MYOM2: variants seen among roughly 807,000 people sequenced by gnomAD.
MYOM2 encodes myomesin 2.
In MYOM2, 254 loss-of-function variants were observed where a neutral mutation model predicts 187.6. That is an observed-to-expected ratio of 1.35 (90% CI 1.22 to 1.50). MYOM2 has a LOEUF of 1.50. MYOM2 is among the 40% of genes most tolerant of loss of function. The probability of loss-of-function intolerance (pLI) is 0.00; values close to 1 mark genes in which losing one functional copy is unlikely to be tolerated. For missense variants in MYOM2, 2,796 were observed against 1,924.0 expected (o/e 1.45, Z -8.48); for synonymous variants, 981 against 753.8 (o/e 1.30, Z -4.94).
chr8:2,101,043 C>T lies in MYOM2; in HGVS notation c.2608C>T (p.Arg870Cys), dbSNP rs777274395. The T allele has an allele frequency of 2.0e-5, 33 of 1,613,886 alleles. No individual in the cohort carries two copies. Among genetic ancestry groups the T allele is most frequent in the Admixed American group, 6.7e-5 (4 of 59,980 alleles). The change falls in exon 20 of 37, where the codon CGT (arginine) becomes TGT (cysteine). Residue 870 changes from arginine (R) to cysteine (C), a missense_variant. Arg to Cys is a radical substitution (Grantham distance 180, BLOSUM62 -3). Transcript: ENST00000262113. The part of the protein sequence containing the change: ...ITVNQTTTAS[R>C]YLKVSDLQQG... ...TGTCAATCAGACGACAACAGCCAGCCGTTATTTAAAGGTAAGTCTTGGCCG... is the reference window on the plus strand; with the variant it reads ...TGTCAATCAGACGACAACAGCCAGCTGTTATTTAAAGGTAAGTCTTGGCCG...
At chr8:2,137,391 G>C (rs5023991) in intron 32 of MYOM2, among the ~76,000 whole-genome samples, 24,435 of 151,598 alleles carry the variant, frequency 0.16, 3,720 homozygotes, top group African/African-American at 0.39. Flanking sequence ...CTTCGCAAGC[G>C]GGGAGCTCAT....
At chr8:2,120,498 G>A (rs969819236) in intron 28 of MYOM2, among the ~76,000 whole-genome samples, 1 of 150,468 alleles carries the variant, frequency 6.6e-6, no homozygotes, top group Non-Finnish European at 1.5e-5. Flanking sequence ...CGGGCAAGGG[G>A]ATTTGCAGGA....
In MYOM2 at chr8:2,092,394, C is replaced by G; in HGVS notation, c.1877C>G (p.Thr626Arg). The G allele has an allele frequency of 6.2e-7, 1 of 1,614,136 alleles. No homozygotes were observed. Among genetic ancestry groups the G allele is most frequent in the Non-Finnish European group, 8.5e-7 (1 of 1,180,012 alleles). Residue 626 changes from threonine to arginine, a missense_variant, in exon 16 of 37, where the codon ACG becomes AGG. Transcript: ENST00000262113. ...GRVLASRNTK[T>R]SVVVQWDRPK... ...GTTCTTGCTTCCCGAAACACCAAGA[C>G]GTCGGTGGTGGTGCAGTGGGACCGA...
At chr8:2,129,079 C>T (rs543541562) in intron 31 of MYOM2, 48 bp from the exon 32 acceptor site, 7 of 1,396,966 alleles carry the variant, frequency 5.0e-6, no homozygotes, top group South Asian at 4.7e-5. Context: ...TGTGATCACA[C>T]AGCAGGCACT....
chr8:2,087,297 C>T (rs1204154224), intron 14 of MYOM2, among the ~76,000 whole-genome samples: 5 of 152,178 alleles, frequency 3.3e-5, no homozygotes, highest in South Asian at 2.1e-4. Context: ...ACAATAATCG[C>T]ATCTAGCACC....
intron 18 of MYOM2, among the ~76,000 whole-genome samples, chr8:2,096,638 G>A (rs1796498455): frequency 6.6e-6 from 1 of 152,162 alleles, no homozygotes; most frequent in Non-Finnish European, 1.5e-5. Context: ...AGTGAAGAAG[G>A]GAGCTCAGTG....
chr8:2,077,296 G>A (rs1025935777), intron 11 of MYOM2, among the ~76,000 whole-genome samples: 1 of 151,560 alleles, frequency 6.6e-6, no homozygotes, highest in African/African-American at 2.4e-5. Context: ...GCAACACAGT[G>A]AGACTCCACC....
Position 2,078,815 on chromosome 8 carries a change from T to C in MYOM2, c.1344T>C (p.Phe448=), listed in dbSNP as rs1585863810. ...KICKYPVTGL[F]EGRSYIFRVR... ...GCAAATACCCGGTCACAGGGCTTTTTGAAGGAAGGTCTTACATATTCCGAG... is the reference window on the plus strand; with the variant it reads ...GCAAATACCCGGTCACAGGGCTTTTCGAAGGAAGGTCTTACATATTCCGAG... Residue 448 remains phenylalanine (F), a synonymous_variant, in exon 12 of 37, where the codon TTT becomes TTC. Transcript: ENST00000262113. The C allele has an allele frequency of 6.2e-7, 1 of 1,614,176 alleles. No homozygotes were observed. Among genetic ancestry groups the C allele is most frequent in the Non-Finnish European group, 8.5e-7 (1 of 1,180,030 alleles).
chr8:2,074,007 G>A (rs1330941598), intron 10 of MYOM2, among the ~76,000 whole-genome samples: 1 of 152,152 alleles, frequency 6.6e-6, no homozygotes, highest in Non-Finnish European at 1.5e-5. Flanking sequence ...AGACACTTGT[G>A]GCCATGACAG....
chr8:2,064,048 A>G (rs1818933498), intron 6 of MYOM2, among the ~76,000 whole-genome samples: 1 of 152,160 alleles, frequency 6.6e-6, no homozygotes, highest in African/African-American at 2.4e-5. Context: ...GGTCCTTTGG[A>G]AACTGCCCAT....
In MYOM2 at chr8:2,085,327, C is replaced by T. The variant is rs117271121; in HGVS notation, c.1581C>T (p.Val527=). Residue 527 remains valine, a synonymous_variant, in exon 14 of 37, where the codon GTC becomes GTT. Transcript: ENST00000262113. The part of the protein sequence containing the change: ...VHASEISRNY[V]VLSWEPPTPR... ...CTTCCGAGATCAGCAGAAACTATGT[C>T]GTCCTCAGCTGGGAGCCACCCACTC... is the stretch of plus-strand genomic sequence containing the variant. 1.5e-3 allele frequency: 2,401 copies of T among 1,614,186 alleles called. 27 individuals are homozygous for T. The East Asian group carries it at 0.03, about 20-fold the overall frequency.
chr8:2,108,894 A>G, intron 24 of MYOM2, 64 bp downstream of exon 24: 1 of 1,499,532 alleles, frequency 6.7e-7, no homozygotes, highest in East Asian at 2.3e-5. Flanking sequence ...GTGTTCATTA[A>G]TGCATGAGCT....
At chr8:2,117,453 G>C (rs181167214) in intron 27 of MYOM2, among the ~76,000 whole-genome samples, 1 of 152,106 alleles carries the variant, frequency 6.6e-6, no homozygotes, top group Non-Finnish European at 1.5e-5. Context: ...AGGTCAAACT[G>C]TTGTTTCTTT....
chr8:2,093,283 A>G (rs1206549420), intron 16 of MYOM2, among the ~76,000 whole-genome samples: 10 of 152,248 alleles, frequency 6.6e-5, no homozygotes, highest in African/African-American at 2.4e-4. Flanking sequence ...ATGCAGAAAG[A>G]TCGATCAGAA....
intron 25 of MYOM2, 98 bp from the exon 26 acceptor site, chr8:2,115,862 C>G (rs903640985): frequency 8.8e-6 from 12 of 1,363,136 alleles, no homozygotes; most frequent in African/African-American, 4.4e-5. Context: ...ATCATAATCC[C>G]TTGAGATCTC....
At position 2,056,403 on chromosome 8, in the gene MYOM2, A is replaced by G. The variant is rs922195070; in HGVS notation, c.264-945A>G. 3.3e-5 allele frequency among the ~76,000 whole-genome samples: 5 copies of G among 152,114 alleles called. No homozygotes were observed. In the South Asian group the frequency reaches 1.0e-3, roughly 32 times the overall value. ...TGAGGGAGGTTGATGAGGCTGAAAG[A>G]GCTCCTGCAGGGTTTCCAGAGCATC... is the stretch of plus-strand genomic sequence containing the variant. On this transcript the variant is annotated intron_variant, in intron 3 of 36. Transcript: ENST00000262113.
intron 3 of MYOM2, among the ~76,000 whole-genome samples, chr8:2,052,565 T>A (rs1039722419): frequency 2.6e-5 from 4 of 152,238 alleles, no homozygotes; most frequent in African/African-American, 9.6e-5. Flanking sequence ...AGAGCGTTGC[T>A]GTTCAGAGCG....
chr8:2,079,013 C>G (rs1819531112), intron 12 of MYOM2, 80 bp downstream of exon 12: 2 of 1,407,644 alleles, frequency 1.4e-6, no homozygotes, highest in Non-Finnish European at 1.0e-6. Flanking sequence ...CTCTTTCCCT[C>G]CCAACTCGAT....
chr8:2,085,644 GCCC>G, intron 14 of MYOM2, among the ~76,000 whole-genome samples: 6 of 7,218 alleles, frequency 8.3e-4, no homozygotes, highest in East Asian at 0.077. Context: ...TCTCTTTGTG[GCCC>G]CCCACTGTCG....
Sources: allele counts gnomAD v4.1 joint callset (sites outside exome capture counted in the v4.1 genomes callset), GRCh38; gene constraint gnomAD v4.1.1; transcripts MANE v1.5; gene names NCBI Gene and HGNC (gene_info 2026-07-23, HGNC 2026-07-21).